The following ETS1 variants were observed in gnomAD, a reference collection of about 807,000 sequenced individuals.
The protein encoded by ETS1 is ETS proto-oncogene 1, transcription factor.
ETS1 carries 15 observed loss-of-function variants against 58.6 expected under a neutral mutation model. The ratio of observed to expected loss-of-function variants is 0.26; its 90% CI spans 0.17 to 0.39. The LOEUF is 0.39. Among genes scored for constraint, ETS1 ranks in the 10% least tolerant of loss-of-function variants. ETS1 has a pLI of 1.00. For missense variants in ETS1, 417 were observed against 610.5 expected (o/e 0.68, Z 3.34); for synonymous variants, 214 against 218.2 (o/e 0.98, Z 0.17).
intron 7 of ETS1, among the ~76,000 whole-genome samples, chr11:128,483,228 C>T (rs1415588458): frequency 6.6e-6 from 1 of 152,144 alleles, no homozygotes; most frequent in African/African-American, 2.4e-5. Flanking sequence ...TTTTGGTCCA[C>T]AGTCATTAGT....
At chr11:128,581,148 C>A (rs886950972) in intron 1 of ETS1, among the ~76,000 whole-genome samples, 3 of 152,174 alleles carry the variant, frequency 2.0e-5, no homozygotes, top group Non-Finnish European at 4.4e-5. Context: ...AAATCCCTCA[C>A]CATACAGTAC....
At chr11:128,517,466 G>C (rs1204926207) in intron 3 of ETS1, among the ~76,000 whole-genome samples, 2 of 152,250 alleles carry the variant, frequency 1.3e-5, no homozygotes, top group Non-Finnish European at 1.5e-5. Context: ...CTCAGAGTAA[G>C]TGTGAAGCAT....
At chr11:128,579,775 A>G (rs1864827603) in intron 1 of ETS1, among the ~76,000 whole-genome samples, 1 of 152,192 alleles carries the variant, frequency 6.6e-6, no homozygotes, top group Non-Finnish European at 1.5e-5. Flanking sequence ...TACCAAGGCA[A>G]CATCTTTAAT....
At chr11:128,501,071 T>C (rs572234373) in intron 3 of ETS1, among the ~76,000 whole-genome samples, 13 of 152,318 alleles carry the variant, frequency 8.5e-5, no homozygotes, top group African/African-American at 2.2e-4. Flanking sequence ...AATTTGTCCT[T>C]ATCTGGCAGC....
chr11:128,577,309 C>T (rs915753785), intron 1 of ETS1, among the ~76,000 whole-genome samples: 1 of 152,134 alleles, frequency 6.6e-6, no homozygotes, highest in African/African-American at 2.4e-5. Flanking sequence ...AAGGGAAAAC[C>T]GTTTCCTTCT....
At chr11:128,569,243 C>T (rs1414943598) in intron 2 of ETS1, among the ~76,000 whole-genome samples, 1 of 151,866 alleles carries the variant, frequency 6.6e-6, no homozygotes, top group African/African-American at 2.4e-5. Context: ...ACAAAAGCAC[C>T]CCCTACTGAA....
chr11:128,579,203 T>A (rs746238292), intron 1 of ETS1, among the ~76,000 whole-genome samples: 2 of 152,194 alleles, frequency 1.3e-5, no homozygotes, highest in Non-Finnish European at 2.9e-5. Flanking sequence ...GCAGAAAATG[T>A]AGATTTCTCC....
intron 3 of ETS1, among the ~76,000 whole-genome samples, chr11:128,503,798 C>T (rs1043422541): frequency 6.6e-6 from 1 of 152,184 alleles, no homozygotes; most frequent in Non-Finnish European, 1.5e-5. Context: ...GGCAGAGAGA[C>T]ACACATTCTT....
In ETS1 at chr11:128,460,089, C is replaced by CAA. The variant is rs771600375; in HGVS notation, c.*2271_*2272insTT. On this transcript the variant is annotated 3_prime_UTR_variant, in exon 10 of 10. Transcript: ENST00000392668. ...GTCTGCAAACACACACACACACACA[C>CAA]ACACACACACACACACACACACACA... 6,692 of 148,408 alleles carry CAA rather than the reference C, an allele frequency of 0.045. 165 individuals carry two copies. The highest frequency in any genetic ancestry group is 0.055 in the Non-Finnish European group (3,614 of 66,184). 9.2% of individuals were successfully genotyped at this position (148,408 alleles called of 1,614,324 possible).
At chr11:128,486,457 C>G (rs891518634) in intron 5 of ETS1, among the ~76,000 whole-genome samples, 1 of 152,294 alleles carries the variant, frequency 6.6e-6, no homozygotes, top group African/African-American at 2.4e-5. Context: ...ATTCGTGCTG[C>G]GTGTATGTCG....
rs141108585 is a variant in ETS1, at chr11:128,561,553, G to C, written c.70-5118C>G. 1.3e-4 allele frequency among the ~76,000 whole-genome samples: 20 copies of C among 152,340 alleles called. 1 individual carries two copies. The East Asian group carries it at 3.3e-3, about 25-fold the overall frequency. On this transcript the variant is annotated intron_variant, in intron 2 of 9. Coordinates refer to ENST00000392668, the MANE Select transcript of ETS1 (RefSeq NM_001143820.2). ...GCCTCACTCACCTCACTGTAGTCCA[G>C]TTCTGAAGAAAGAGTTGGGCCATGG...
At chr11:128,506,261 TG>T in intron 3 of ETS1, among the ~76,000 whole-genome samples, 1 of 152,258 alleles carries the variant, frequency 6.6e-6, no homozygotes, top group Admixed American at 6.5e-5. Flanking sequence ...CACTTTAAGA[TG>T]GTAAATTTTA....
chr11:128,542,116 T>C (rs1250822994), intron 3 of ETS1, among the ~76,000 whole-genome samples: 1 of 152,232 alleles, frequency 6.6e-6, no homozygotes, highest in Non-Finnish European at 1.5e-5. Flanking sequence ...CTGATCACAG[T>C]ACCCCCTACA....
chr11:128,533,985 G>A (rs1213065967), intron 3 of ETS1, among the ~76,000 whole-genome samples: 1 of 152,174 alleles, frequency 6.6e-6, no homozygotes, highest in Admixed American at 6.5e-5. Context: ...GGTACATTCA[G>A]GCCTACTTCC....
At chr11:128,558,471 C>G (rs375045569) in intron 2 of ETS1, among the ~76,000 whole-genome samples, 75 of 152,128 alleles carry the variant, frequency 4.9e-4, no homozygotes, top group African/African-American at 1.8e-3. Flanking sequence ...ATGGTGAAAC[C>G]CTGTCTCTAC....
At chr11:128,528,680 T>G (rs1484418827) in intron 3 of ETS1, among the ~76,000 whole-genome samples, 2 of 152,330 alleles carry the variant, frequency 1.3e-5, no homozygotes, top group East Asian at 3.9e-4. Flanking sequence ...CGTAACATTT[T>G]TACAGAAAAA....
chr11:128,575,758 T>C lies in ETS1; in HGVS notation c.-14-2614A>G, dbSNP rs138018899. 4.6e-3 allele frequency among the ~76,000 whole-genome samples: 706 copies of C among 152,348 alleles called. 6 individuals are homozygous for C. The highest frequency in any genetic ancestry group is 0.015 in the African/African-American group (641 of 41,576). On this transcript the variant is annotated intron_variant, in intron 1 of 9. Transcript: ENST00000392668. The stretch of plus-strand genomic sequence containing the variant: ...GCAGGGAATAGGAAATTGTGAAAGA[T>C]TGCATAGAGCAAGGTGTAACCACAT...
At chr11:128,480,159 G>A in intron 8 of ETS1, 32 bp downstream of exon 8, 3 of 1,607,914 alleles carry the variant, frequency 1.9e-6, no homozygotes, top group Non-Finnish European at 2.6e-6. Flanking sequence ...ACGTGCAGAT[G>A]GAGTTGGCCT....
intron 3 of ETS1, chr11:128,521,971 C>T (rs199545018): frequency 1.2e-6 from 2 of 1,600,286 alleles, no homozygotes; most frequent in African/African-American, 1.3e-5. Flanking sequence ...TGAGAGTCGG[C>T]TTGAGATCGA....
Sources: gnomAD v4.1 joint callset for allele counts (sites outside exome capture counted in the v4.1 genomes callset) on GRCh38, gnomAD v4.1.1 for gene constraint, MANE v1.5 for transcripts, NCBI Gene and HGNC (gene_info 2026-07-23, HGNC 2026-07-21) for gene names.